The following NOS1 variants were observed in gnomAD, a reference collection of about 807,000 sequenced individuals.
The protein encoded by NOS1 is NOS type I.
In NOS1, 51 loss-of-function variants were observed where a neutral mutation model predicts 164.5. The observed-to-expected ratio is 0.31, with a 90% CI of 0.25 to 0.39. The LOEUF (loss-of-function observed/expected upper bound fraction) is 0.39, where lower values mean the gene tolerates loss of function less well. NOS1 is among the 10% of genes least tolerant of loss of function. NOS1 has a pLI of 1.00. For missense variants in NOS1, 1,362 were observed against 1,885.6 expected, an observed-to-expected ratio of 0.72 and a Z score of 5.14; for synonymous variants, 719 against 745.8, an observed-to-expected ratio of 0.96 and a Z score of 0.59.
Position 117,290,398 on chromosome 12 carries a change from G to T in NOS1, c.881C>A (p.Thr294Lys), listed in dbSNP as rs1872967151. 5.6e-6 allele frequency: 9 copies of T among 1,613,620 alleles called. No individual in the cohort carries two copies. Among genetic ancestry groups the T allele is most frequent in the South Asian group, 1.1e-5 (1 of 90,992 alleles). Reference sequence around the variant, plus strand: ...ACACTTGGAGGGGCTGCCATTCTTTGTGGGGGACTGTTTTCCTGAGGTGGG... The same window carrying T: ...ACACTTGGAGGGGCTGCCATTCTTTTTGGGGGACTGTTTTCCTGAGGTGGG... ...QPPTSGKQSP[T>K]KNGSPSKCPR... The change falls in exon 4 of 29, where the codon ACA (threonine) becomes AAA (lysine). Residue 294 changes from threonine to lysine, a missense_variant. By Grantham distance (78) the Thr-to-Lys change is moderately conservative. Coordinates refer to ENST00000317775, the MANE Select transcript of NOS1 (RefSeq NM_000620.5).
rs200856589 is a variant in NOS1 at position 117,210,940 on chromosome 12, GTTTTA to G, written c.*4364_*4368del. The G allele has an allele frequency of 5.4e-5, 53 of 976,952 alleles. No homozygotes were observed. The highest frequency in any genetic ancestry group is 1.9e-4 in the South Asian group (4 of 21,036). The allele number at this position is 976,952 out of a possible 1,614,324, so 60.5% of individuals were successfully genotyped here. A position where few individuals can be genotyped will look rare whatever the true frequency, so the allele number is the denominator to read the frequency against. ...CCTCTCTCTCAGCTAGGGGCAAGAT[GTTTTA>G]TTTTATTTTATTTTATTTTATTTTT... On this transcript the variant is annotated 3_prime_UTR_variant, in exon 29 of 29. Transcript: ENST00000317775.
chr12:117,317,861 C>T (rs1273911115), intron 2 of NOS1, among the ~76,000 whole-genome samples: 1 of 152,082 alleles, frequency 6.6e-6, no homozygotes, highest in Non-Finnish European at 1.5e-5. Flanking sequence ...TCCAAATCAA[C>T]TGAGAGGCTT....
At position 117,356,714 on chromosome 12, in the gene NOS1, A is replaced by G. The variant is rs933890356; in HGVS notation, c.-421+4798T>C. Among the ~76,000 whole-genome samples the G allele has an allele frequency of 6.6e-6, 1 of 152,226 alleles. No individual in the cohort carries two copies. Among genetic ancestry groups the G allele is most frequent in the Non-Finnish European group, 1.5e-5 (1 of 68,040 alleles). On this transcript the variant is annotated intron_variant, in intron 1 of 28. Transcript: ENST00000317775. The surrounding 1 kb of genome is among the most constrained non-coding windows in gnomAD (Gnocchi z 4.2). Reference sequence around the variant, plus strand: ...GCATCATACGACTGTGCCAAGACCCATGTCCACTATACCCTGTTAACCATA... The same window carrying G: ...GCATCATACGACTGTGCCAAGACCCGTGTCCACTATACCCTGTTAACCATA...
chr12:117,213,110 TA>T lies in NOS1; in HGVS notation c.*2198del. ...CAGAAAGGAGGTGCCTGGCACCTTG[TA>T]AGCGCTTCTAAGTATTTATTCCCTG... On this transcript the variant is annotated 3_prime_UTR_variant, in exon 29 of 29. Transcript: ENST00000317775. The T allele has an allele frequency of 1.0e-6, 1 of 985,488 alleles. No individual in the cohort carries two copies. Among genetic ancestry groups the T allele is most frequent in the Non-Finnish European group, 1.2e-6 (1 of 829,946 alleles). 61.0% of individuals were successfully genotyped at this position (985,488 alleles called of 1,614,324 possible).
chr12:117,209,480 G>T lies in NOS1; in HGVS notation c.*5829C>A. On this transcript the variant is annotated 3_prime_UTR_variant, in exon 29 of 29. Coordinates refer to ENST00000317775, the MANE Select transcript of NOS1 (RefSeq NM_000620.5). ...GATGTCCTGGAGTTACTTTCTAAAA[G>T]ACTACAGGAAGCAGTGCATGGAGGC... The T allele has an allele frequency of 2.0e-6, 2 of 985,364 alleles. No homozygotes were observed. The highest frequency in any genetic ancestry group is 2.4e-6 in the Non-Finnish European group (2 of 829,966). The allele number at this position is 985,364 out of a possible 1,614,324, so 61.0% of individuals were successfully genotyped here.
chr12:117,270,181 G>T (rs1381720769), intron 10 of NOS1, among the ~76,000 whole-genome samples: 1 of 152,246 alleles, frequency 6.6e-6, no homozygotes, highest in African/African-American at 2.4e-5. Context: ...TTAAAGCCCT[G>T]CTTTTCACTT....
chr12:117,231,807 C>T (rs371082564), intron 22 of NOS1, among the ~76,000 whole-genome samples, 155 bp downstream of exon 22: 1 of 152,172 alleles, frequency 6.6e-6, no homozygotes, highest in Non-Finnish European at 1.5e-5. Context: ...AGACCAGCCA[C>T]GTTGGACCAG....
intron 3 of NOS1, among the ~76,000 whole-genome samples, chr12:117,310,971 T>C (rs1293768157): frequency 6.6e-6 from 1 of 152,146 alleles, no homozygotes; most frequent in Non-Finnish European, 1.5e-5. Context: ...GTTCACACCA[T>C]TCTCCTGCCT....
chr12:117,259,097 G>A lies in NOS1; in HGVS notation c.2401C>T (p.Leu801=). The change falls in exon 15 of 29, where the codon CTG becomes TTG. Residue 801 remains leucine (L), a synonymous_variant. Coordinates refer to ENST00000317775, the MANE Select transcript of NOS1 (RefSeq NM_000620.5). ...MSMEEYDIVH[L]EHETLVLVVT... ...ACAAGGACCAGAGTTTCATGTTCCA[G>A]GTGCACAATGTCATATTCTTCCATG... is the stretch of plus-strand genomic sequence containing the variant. 1 of 1,614,074 alleles carries A rather than the reference G, an allele frequency of 6.2e-7. No homozygotes were observed. Among genetic ancestry groups the A allele is most frequent in the Non-Finnish European group, 8.5e-7 (1 of 1,179,972 alleles).
At chr12:117,284,854 A>G (rs890709081) in intron 7 of NOS1, among the ~76,000 whole-genome samples, 29 of 152,006 alleles carry the variant, frequency 1.9e-4, no homozygotes, top group African/African-American at 7.0e-4. Context: ...GTTTGAGACC[A>G]GCATGGTCAA....
intron 3 of NOS1, among the ~76,000 whole-genome samples, chr12:117,302,703 C>CCA (rs1873905967): frequency 6.6e-6 from 1 of 151,746 alleles, no homozygotes; most frequent in African/African-American, 2.4e-5. Flanking sequence ...GTTAAAATGG[C>CCA]TACACACCTG....
At chr12:117,315,661 CAGG>C (rs1874637237) in intron 2 of NOS1, among the ~76,000 whole-genome samples, 1 of 152,202 alleles carries the variant, frequency 6.6e-6, no homozygotes, top group African/African-American at 2.4e-5. Flanking sequence ...GCTGGGGTTG[CAGG>C]AGCAGTGTAG....
chr12:117,239,747 G>A lies in NOS1; in HGVS notation c.3041+2880C>T, dbSNP rs1056599931. Among the ~76,000 whole-genome samples, 6 of 151,644 alleles carry A rather than the reference G, an allele frequency of 4.0e-5. No individual in the cohort carries two copies. The East Asian group carries it at 5.8e-4, about 15-fold the overall frequency. The stretch of plus-strand genomic sequence containing the variant: ...TTATAAGCCTTATGAAGCTGGAAAC[G>A]GTATTAAGCTTGAAAATAGGTAGTG... On this transcript the variant is annotated intron_variant, in intron 20 of 28. Transcript: ENST00000317775.
At chr12:117,303,858 G>C (rs1873980373) in intron 3 of NOS1, among the ~76,000 whole-genome samples, 1 of 152,128 alleles carries the variant, frequency 6.6e-6, no homozygotes, top group Admixed American at 6.6e-5. Flanking sequence ...TTTTACTTAA[G>C]ACGATTATTA....
intron 9 of NOS1, among the ~76,000 whole-genome samples, chr12:117,277,527 G>A (rs1771608693): frequency 6.6e-6 from 1 of 152,026 alleles, no homozygotes; most frequent in Admixed American, 6.6e-5. Context: ...CCAGCAGGTC[G>A]AGGCTGCAAT....
At chr12:117,297,124 T>C (rs901954235) in intron 3 of NOS1, among the ~76,000 whole-genome samples, 1 of 152,232 alleles carries the variant, frequency 6.6e-6, no homozygotes, top group African/African-American at 2.4e-5. Flanking sequence ...CTTGATTTCA[T>C]AGAGTGAGTG....
rs950761032 is a variant in NOS1 at position 117,250,307 on chromosome 12, A to G, written c.2649-2785T>C. On this transcript the variant is annotated intron_variant, in intron 17 of 28. Coordinates refer to ENST00000317775, the MANE Select transcript of NOS1 (RefSeq NM_000620.5). Reference sequence around the variant, plus strand: ...CTTTCCAAATAAAGTATGTGGGATTAGATAGCATTTTGCCATTTACTTTTT... The same window carrying G: ...CTTTCCAAATAAAGTATGTGGGATTGGATAGCATTTTGCCATTTACTTTTT... 2.0e-5 allele frequency among the ~76,000 whole-genome samples: 3 copies of G among 151,076 alleles called. No individual in the cohort carries two copies. In the South Asian group the frequency reaches 6.3e-4, roughly 32 times the overall value.
chr12:117,218,204 C>A, intron 27 of NOS1, 40 bp from the exon 28 acceptor site: 1 of 1,457,620 alleles, frequency 6.9e-7, no homozygotes, highest in Non-Finnish European at 9.6e-7. Context: ...TCTCAAATGC[C>A]AGATAAAGGC....
At chr12:117,299,420 C>T (rs1031313109) in intron 3 of NOS1, among the ~76,000 whole-genome samples, 2 of 152,048 alleles carry the variant, frequency 1.3e-5, no homozygotes, top group African/African-American at 4.8e-5. Context: ...GGGCGGATCA[C>T]GAGGTCAGGA....
Sources: allele counts gnomAD v4.1 joint callset (sites outside exome capture counted in the v4.1 genomes callset), GRCh38; gene constraint gnomAD v4.1.1; non-coding constraint Gnocchi (gnomAD v3.1); transcripts MANE v1.5; gene names NCBI Gene and HGNC (gene_info 2026-07-23, HGNC 2026-07-21).